NUBPL: variants seen among roughly 807,000 people sequenced by gnomAD.
NUBPL encodes the protein NUBP iron-sulfur cluster assembly factor, mitochondrial, also known as iron-sulfur cluster transfer protein NUBPL.
Under a neutral mutation model 45.7 loss-of-function variants are expected in NUBPL, and 31 were observed. That is an observed-to-expected ratio of 0.68 (90% CI 0.51 to 0.92). The LOEUF is 0.92. Ranked by LOEUF, NUBPL falls within the 40% of genes least tolerant of loss-of-function variation. The pLI is 0.00. For synonymous variants in NUBPL, 144 were observed against 140.9 expected (o/e 1.02, Z -0.15); for missense variants, 401 against 398.7 (o/e 1.01, Z -0.05).
At chr14:31,750,946 C>G (rs2038512828) in intron 6 of NUBPL, among the ~76,000 whole-genome samples, 1 of 152,064 alleles carries the variant, frequency 6.6e-6, no homozygotes, top group Non-Finnish European at 1.5e-5. Flanking sequence ...TGGAAGGCAA[C>G]AGGGAAGCAT....
intron 9 of NUBPL, 46 bp from the exon 10 acceptor site, chr14:31,850,073 A>T: frequency 1.4e-6 from 2 of 1,407,786 alleles, no homozygotes. Flanking sequence ...CAAAATGCCT[A>T]TATGAACTTT....
At chr14:31,654,936 C>G (rs922158458) in intron 4 of NUBPL, among the ~76,000 whole-genome samples, 1 of 152,220 alleles carries the variant, frequency 6.6e-6, no homozygotes, top group African/African-American at 2.4e-5. Flanking sequence ...TTCACAGCAT[C>G]TTCACAGAGT....
intron 4 of NUBPL, among the ~76,000 whole-genome samples, chr14:31,628,502 TA>T (rs2035264194): frequency 6.6e-6 from 1 of 152,228 alleles, no homozygotes; most frequent in South Asian, 2.1e-4. Context: ...AAAGGTTTTC[TA>T]AAAAAGTCTA....
intron 4 of NUBPL, among the ~76,000 whole-genome samples, chr14:31,619,691 G>C (rs2035007294): frequency 6.6e-6 from 1 of 152,092 alleles, no homozygotes; most frequent in East Asian, 1.9e-4. Flanking sequence ...GGGTAACCCG[G>C]CCTTTCTCTC....
chr14:31,567,222 A>G (rs2033458860), intron 3 of NUBPL, among the ~76,000 whole-genome samples: 1 of 152,170 alleles, frequency 6.6e-6, no homozygotes, highest in African/African-American at 2.4e-5. Context: ...GTTCTTTTGT[A>G]ATAACCAGTG....
At chr14:31,653,097 A>G (rs1182058344) in intron 4 of NUBPL, among the ~76,000 whole-genome samples, 3 of 152,188 alleles carry the variant, frequency 2.0e-5, no homozygotes, top group Non-Finnish European at 4.4e-5. Context: ...CAAAAAGAGA[A>G]CAAAGATCAC....
intron 4 of NUBPL, among the ~76,000 whole-genome samples, chr14:31,660,406 A>G (rs929526323): frequency 1.3e-5 from 2 of 152,180 alleles, no homozygotes; most frequent in Non-Finnish European, 2.9e-5. Flanking sequence ...CTCATTAGAA[A>G]GGACCTTGGT....
chr14:31,832,560 C>G (rs1489534064), intron 8 of NUBPL, among the ~76,000 whole-genome samples: 1 of 152,100 alleles, frequency 6.6e-6, no homozygotes, highest in Non-Finnish European at 1.5e-5. Context: ...AAGGAAGAAA[C>G]TGGTAAAGAT....
At chr14:31,584,828 G>C (rs1191493185) in intron 3 of NUBPL, among the ~76,000 whole-genome samples, 1 of 152,178 alleles carries the variant, frequency 6.6e-6, no homozygotes. Context: ...CTGGTTGAGG[G>C]CCTGCTTCCT....
At chr14:31,735,808 C>A (rs1249241591) in intron 6 of NUBPL, among the ~76,000 whole-genome samples, 1 of 152,100 alleles carries the variant, frequency 6.6e-6, no homozygotes, top group Non-Finnish European at 1.5e-5. Flanking sequence ...GTCGGGATTG[C>A]ACCACTGCAC....
chr14:31,812,983 CT>C (rs33986436), intron 7 of NUBPL, among the ~76,000 whole-genome samples: 74,282 of 104,910 alleles, frequency 0.71, 25,161 homozygotes, highest in Middle Eastern at 0.77. Flanking sequence ...CTTGTTAGTT[CT>C]TTTTTTTTTT....
intron 6 of NUBPL, among the ~76,000 whole-genome samples, chr14:31,683,113 A>T (rs1225411602): frequency 1.3e-5 from 2 of 148,550 alleles, no homozygotes; most frequent in African/African-American, 2.5e-5. Flanking sequence ...TTTATGAGGG[A>T]TCCTCTTCCA....
At chr14:31,627,549 C>T (rs539258914) in intron 4 of NUBPL, among the ~76,000 whole-genome samples, 20 of 151,984 alleles carry the variant, frequency 1.3e-4, no homozygotes, top group African/African-American at 2.4e-4. Context: ...GAGGCCGAGG[C>T]GGGCGGATCA....
rs559871833 is a variant in NUBPL at position 31,831,195 on chromosome 14, C to G, written c.693+4481C>G. On this transcript the variant is annotated intron_variant, in intron 8 of 10. Coordinates refer to ENST00000281081, the MANE Select transcript of NUBPL (RefSeq NM_025152.3). Reference sequence around the variant, plus strand: ...AGTAGCTGGGATTGCAGTCACCCACCACCACGCCCAGCTTATTTTTGTATT... The same window carrying G: ...AGTAGCTGGGATTGCAGTCACCCACGACCACGCCCAGCTTATTTTTGTATT... Among the ~76,000 whole-genome samples the G allele has an allele frequency of 1.7e-4, 26 of 151,902 alleles. No homozygotes were observed. The South Asian group carries it at 5.2e-3, about 30-fold the overall frequency.
intron 6 of NUBPL, among the ~76,000 whole-genome samples, chr14:31,708,732 G>A (rs2037506911): frequency 6.6e-6 from 1 of 152,184 alleles, no homozygotes; most frequent in South Asian, 2.1e-4. Flanking sequence ...ACCTGGGGCT[G>A]AGTGAGGGTG....
intron 10 of NUBPL, among the ~76,000 whole-genome samples, chr14:31,855,666 C>T (rs2040605812): frequency 1.3e-5 from 2 of 149,366 alleles, no homozygotes; most frequent in South Asian, 2.2e-4. Context: ...ACTTTTAATA[C>T]TTTTCTGGTA....
chr14:31,854,794 A>T (rs2040591482), intron 10 of NUBPL, among the ~76,000 whole-genome samples: 1 of 152,204 alleles, frequency 6.6e-6, no homozygotes, highest in South Asian at 2.1e-4. Flanking sequence ...CTTTTATATC[A>T]TTACACACCA....
chr14:31,831,336 C>T (rs1180599745), intron 8 of NUBPL, among the ~76,000 whole-genome samples: 2 of 152,092 alleles, frequency 1.3e-5, no homozygotes, highest in African/African-American at 2.4e-5. Context: ...AGCCACGGTG[C>T]CCAGCCTGCC....
At chr14:31,749,816 C>T (rs2038482315) in intron 6 of NUBPL, among the ~76,000 whole-genome samples, 1 of 152,078 alleles carries the variant, frequency 6.6e-6, no homozygotes, top group Non-Finnish European at 1.5e-5. Flanking sequence ...ATCTCTTCTC[C>T]CTCCAGTATT....
Sources: gnomAD v4.1 joint callset for allele counts (sites outside exome capture counted in the v4.1 genomes callset) on GRCh38, gnomAD v4.1.1 for gene constraint, MANE v1.5 for transcripts, NCBI Gene and HGNC (gene_info 2026-07-23, HGNC 2026-07-21) for gene names.